Variants in SMG5 observed in about 807,000 individuals in gnomAD.
SMG5 encodes nonsense-mediated mRNA decay factor SMG5.
Under a neutral mutation model 122.9 loss-of-function variants are expected in SMG5, and 53 were observed. The ratio of observed to expected loss-of-function variants is 0.43; its 90% CI spans 0.35 to 0.54. The LOEUF is 0.54. SMG5 is among the 20% of genes least tolerant of loss of function. The pLI is 0.01. For missense variants in SMG5, 1,153 were observed against 1,285.6 expected (o/e 0.90, Z 1.58); for synonymous variants, 477 against 490.2 (o/e 0.97, Z 0.35).
chr1:156,288,083 C>T, the SMG5 span, among the ~76,000 whole-genome samples: 4 of 151,444 alleles, frequency 2.6e-5, no homozygotes, highest in East Asian at 5.9e-4. Flanking sequence ...GGTGCGGTGG[C>T]GAGCGCCTAC....
chr1:156,280,412 G>A (rs1662886076), intron 1 of SMG5, among the ~76,000 whole-genome samples: 1 of 152,256 alleles, frequency 6.6e-6, no homozygotes, highest in Non-Finnish European at 1.5e-5. Context: ...CCTACACAGG[G>A]TGAAGTGACT....
upstream of SMG5, chr1:156,284,334 G>C (rs1318198731): frequency 6.6e-6 from 1 of 152,388 alleles, no homozygotes; most frequent in Non-Finnish European, 1.5e-5. Context: ...TGCAGAGCCA[G>C]CAGGTAGCTG....
At chr1:156,260,307 G>A (rs1411219415) in intron 15 of SMG5, 144 bp downstream of exon 15, 5 of 1,005,570 alleles carry the variant, frequency 5.0e-6, no homozygotes, top group African/African-American at 1.7e-5. Flanking sequence ...GAATGAAGAA[G>A]GAAGCACAGC....
Position 156,274,609 on chromosome 1 carries a change from G to A in SMG5, c.532C>T (p.Leu178=). ...TGCAAATTCTTACACAAATCCCCCAGATACACCAGACATCGGTGACATGCC... is the reference window on the plus strand; with the variant it reads ...TGCAAATTCTTACACAAATCCCCCAAATACACCAGACATCGGTGACATGCC... The part of the protein sequence containing the change: ...QMACHRCLVY[L]GDLSRYQNEL... The change falls in exon 5 of 22, where the codon CTG becomes TTG. Residue 178 remains leucine, a synonymous_variant. Coordinates refer to ENST00000361813, the MANE Select transcript of SMG5 (RefSeq NM_015327.3). 2 of 1,613,780 alleles carry A rather than the reference G, an allele frequency of 1.2e-6. No individual in the cohort carries two copies. Among genetic ancestry groups the A allele is most frequent in the Non-Finnish European group, 1.7e-6 (2 of 1,179,776 alleles).
chr1:156,259,397 C>G (rs185539110), intron 15 of SMG5, among the ~76,000 whole-genome samples: 6 of 152,300 alleles, frequency 3.9e-5, no homozygotes, highest in African/African-American at 1.4e-4. Flanking sequence ...CTAGGAGGAC[C>G]AGAAAACCAG....
At chr1:156,285,870 T>C (rs1187626583), upstream of SMG5, 1 of 1,613,778 alleles carries the variant, frequency 6.2e-7, no homozygotes, top group African/African-American at 1.3e-5. Flanking sequence ...CCTTGCCTAC[T>C]ATACGGGGCA....
chr1:156,279,168 C>A, intron 1 of SMG5, 134 bp from the exon 2 acceptor site: 1 of 736,298 alleles, frequency 1.4e-6, no homozygotes, highest in South Asian at 1.6e-5. Context: ...AGGCTGAGCT[C>A]TGTACAAAAC....
chr1:156,275,875 T>C (rs989776490), intron 4 of SMG5, among the ~76,000 whole-genome samples: 3 of 151,410 alleles, frequency 2.0e-5, no homozygotes, highest in Non-Finnish European at 4.4e-5. Flanking sequence ...GTTCCAGCGA[T>C]GAAATCATGG....
Position 156,265,934 on chromosome 1 carries a change from G to T in SMG5, c.1702C>A (p.Gln568Lys), listed in dbSNP as rs76781899. ...PSEASIASNL[Q>K]AMSTQMFQTK... ...TGGAACATCTGGGTGGACATGGCTT[G>T]TAGATTGCTGGCAATGCTAGCCTCA... The change falls in exon 12 of 22, where the codon CAA becomes AAA. Residue 568 changes from glutamine to lysine, a missense_variant. Gln to Lys is a moderately conservative substitution (Grantham distance 53). Around this residue, in one of 5 missense-constraint regions of SMG5, gnomAD observed 631 missense variants for 650.6 expected, o/e 0.97. Coordinates refer to ENST00000361813, the MANE Select transcript of SMG5 (RefSeq NM_015327.3). 1 of 1,614,210 alleles carries T rather than the reference G, an allele frequency of 6.2e-7. No individual in the cohort carries two copies. Among genetic ancestry groups the T allele is most frequent in the African/African-American group, 1.3e-5 (1 of 75,056 alleles).
Position 156,282,617 on chromosome 1 carries a change from G to A in SMG5, c.64C>T (p.Arg22Trp). The change falls in exon 1 of 22, where the codon CGG becomes TGG. Residue 22 changes from arginine (R) to tryptophan (W), a missense_variant. Arg to Trp is a moderately radical substitution (Grantham distance 101). Around this residue, in one of 5 missense-constraint regions of SMG5, gnomAD observed 213 missense variants for 197.5 expected, o/e 1.08. Coordinates refer to ENST00000361813, the MANE Select transcript of SMG5 (RefSeq NM_015327.3). The stretch of plus-strand genomic sequence containing the variant: ...CCTGGCCCCTCTCACCGGTAAAGCC[G>A]CTTAGTGTGGAGGACTTTTGCTTCG... ...EPEAKVLHTK[R>W]LYRAVVEAVH... The A allele has an allele frequency of 6.2e-7, 1 of 1,608,628 alleles. No homozygotes were observed. Among genetic ancestry groups the A allele is most frequent in the Non-Finnish European group, 8.5e-7 (1 of 1,179,586 alleles).
At chr1:156,258,074 G>A (rs951785667) in intron 16 of SMG5, among the ~76,000 whole-genome samples, 1 of 152,210 alleles carries the variant, frequency 6.6e-6, no homozygotes, top group African/African-American at 2.4e-5. Flanking sequence ...ATGGACTCTC[G>A]ATAAATATTC....
chr1:156,266,246 G>A lies in SMG5; in HGVS notation c.1390C>T (p.His464Tyr), dbSNP rs1479104178. Residue 464 changes from histidine (H) to tyrosine (Y), a missense_variant, in exon 12 of 22, where the codon CAC becomes TAC. Around this residue, in one of 5 missense-constraint regions of SMG5, gnomAD observed 631 missense variants for 650.6 expected, o/e 0.97. Transcript: ENST00000361813. ...CTGTCATCACCAACTTTGGGTGGGTGGCGGCGACGGCGGAGACAGGAGAGG... is the reference window on the plus strand; with the variant it reads ...CTGTCATCACCAACTTTGGGTGGGTAGCGGCGACGGCGGAGACAGGAGAGG... ...SRLSCLRRRR[H>Y]PPKVGDDSDL... 1.9e-6 allele frequency: 3 copies of A among 1,614,206 alleles called. No individual in the cohort carries two copies. In the East Asian group the frequency reaches 6.7e-5, roughly 36 times the overall value.
At position 156,255,140 on chromosome 1, in the gene SMG5, G is replaced by A. The variant is rs980412360; in HGVS notation, c.2443-1632C>T. Among the ~76,000 whole-genome samples, 5 of 150,876 alleles carry A rather than the reference G, an allele frequency of 3.3e-5. No homozygotes were observed. In the East Asian group the frequency reaches 9.8e-4, roughly 30 times the overall value. ...AAATAAAATAAAATATTAATCTTGG[G>A]GCCAGGCACAGTGGTTCACGCCTGT... is the stretch of plus-strand genomic sequence containing the variant. On this transcript the variant is annotated intron_variant, in intron 16 of 21. Coordinates refer to ENST00000361813, the MANE Select transcript of SMG5 (RefSeq NM_015327.3).
intron 7 of SMG5, among the ~76,000 whole-genome samples, chr1:156,271,146 A>G (rs1258731005): frequency 6.6e-6 from 1 of 152,224 alleles, no homozygotes; most frequent in East Asian, 1.9e-4. Context: ...GACCCTCAAC[A>G]AGCTAAATTT....
intron 15 of SMG5, among the ~76,000 whole-genome samples, chr1:156,260,077 C>T (rs540749732): frequency 2.0e-5 from 3 of 152,316 alleles, no homozygotes; most frequent in African/African-American, 4.8e-5. Flanking sequence ...TCCCTTCCAG[C>T]TCTAACTTTC....
Position 156,265,072 on chromosome 1 carries a change from C to CACA in SMG5, c.1855+708_1855+709insTGT, listed in dbSNP as rs1553293436. On this transcript the variant is annotated intron_variant, in intron 12 of 21. Transcript: ENST00000361813. ...ACACACACACACACACACACACACA[C>CACA]AAAAGCCGGGCATGGTAGTGCATGC... Among the ~76,000 whole-genome samples, 6 of 147,848 alleles carry CACA rather than the reference C, an allele frequency of 4.1e-5. No individual in the cohort carries two copies. The South Asian group carries it at 1.3e-3, about 32-fold the overall frequency.
At chr1:156,252,893 TC>T (rs751428879) in intron 18 of SMG5, 25 bp downstream of exon 18, 2 of 1,530,232 alleles carry the variant, frequency 1.3e-6, no homozygotes, top group Non-Finnish European at 1.8e-6. Context: ...TCATACTCTG[TC>T]TCCTTACCTC....
chr1:156,267,695 G>A lies in SMG5; in HGVS notation c.909-17C>T, dbSNP rs770097461. On this transcript the variant is annotated splice_polypyrimidine_tract_variant and intron_variant, in intron 9 of 21. Transcript: ENST00000361813. The stretch of plus-strand genomic sequence containing the variant: ...TCCACGGAGCTACAGAGGGGCAGGA[G>A]TAACAGGGGAGGTCAGTGGTGGGGG... The A allele has an allele frequency of 1.9e-6, 3 of 1,595,884 alleles. No individual in the cohort carries two copies. The highest frequency in any genetic ancestry group is 1.3e-5 in the African/African-American group (1 of 74,480).
In SMG5 at chr1:156,282,813, G is replaced by A. The variant is rs1392855886; in HGVS notation, c.-133C>T. 1.0e-6 allele frequency: 1 copy of A among 966,574 alleles called. No individual in the cohort carries two copies. The highest frequency in any genetic ancestry group is 1.8e-5 in the South Asian group (1 of 56,950). The allele number at this position is 966,574 out of a possible 1,614,324, so 59.9% of individuals were successfully genotyped here. A position where few individuals can be genotyped will look rare whatever the true frequency, so the allele number is the denominator to read the frequency against. On this transcript the variant is annotated 5_prime_UTR_variant, in exon 1 of 22. Transcript: ENST00000361813. ...TGCTCGGCCGCCATCGCTGTGAGGC[G>A]GCTGCCCGCGACAGCTCCTCCTCCG... is the stretch of plus-strand genomic sequence containing the variant.
Sources: allele counts gnomAD v4.1 joint callset (sites outside exome capture counted in the v4.1 genomes callset), GRCh38; gene constraint gnomAD v4.1.1; regional missense constraint gnomAD v4.1.1; transcripts MANE v1.5; gene names NCBI Gene and HGNC (gene_info 2026-07-23, HGNC 2026-07-21).